The following EPHA10 variants were observed in gnomAD, a reference collection of about 807,000 sequenced individuals.
EPHA10 encodes the protein ephrin type-A receptor 10.
In EPHA10, 120 loss-of-function variants were observed where a neutral mutation model predicts 109.7. The ratio of observed to expected loss-of-function variants is 1.09; its 90% CI spans 0.94 to 1.27. EPHA10 has a LOEUF of 1.27. Among genes scored for constraint, EPHA10 ranks in the 50% most tolerant of loss-of-function variants. The pLI, the probability that EPHA10 is intolerant of heterozygous loss-of-function variation, is 0.00. For missense variants in EPHA10, 1,396 were observed against 1,411.1 expected (o/e 0.99, Z 0.17); for synonymous variants, 640 against 618.9 (o/e 1.03, Z -0.51).
chr1:37,721,181 A>G (rs1645788347), intron 11 of EPHA10, among the ~76,000 whole-genome samples: 1 of 150,848 alleles, frequency 6.6e-6, no homozygotes, highest in Non-Finnish European at 1.5e-5. Flanking sequence ...GCACTTTGGG[A>G]GGCCGAGGCA....
In EPHA10 at chr1:37,752,963, G is replaced by A. The variant is rs1646352417; in HGVS notation, c.1270C>T (p.Arg424Cys). Residue 424 changes from arginine to cysteine, a missense_variant, in exon 5 of 17, where the codon CGC becomes TGC. Coordinates refer to ENST00000373048, the MANE Select transcript of EPHA10 (RefSeq NM_001099439.2). ...HLRPGARYTV[R>C]VAALNGVSGP... Reference sequence around the variant, plus strand: ...GAGACGCCGTTGAGCGCGGCCACGCGCACGGTGTAGCGCGCGCCGGGCCGC... The same window carrying A: ...GAGACGCCGTTGAGCGCGGCCACGCACACGGTGTAGCGCGCGCCGGGCCGC... 3 of 1,287,522 alleles carry A rather than the reference G, an allele frequency of 2.3e-6. No homozygotes were observed. Among genetic ancestry groups the A allele is most frequent in the South Asian group, 4.5e-5 (2 of 44,062 alleles). 79.8% of individuals were successfully genotyped at this position (1,287,522 alleles called of 1,614,324 possible).
At chr1:37,743,268 T>C (rs1228966228) in intron 5 of EPHA10, among the ~76,000 whole-genome samples, 1 of 152,016 alleles carries the variant, frequency 6.6e-6, no homozygotes, top group Non-Finnish European at 1.5e-5. Flanking sequence ...TTTAATATGA[T>C]AGAGAGTAAG....
Position 37,721,857 on chromosome 1 carries a change from C to T in EPHA10, c.1961-12G>A. 1.3e-6 allele frequency: 2 copies of T among 1,555,772 alleles called. No homozygotes were observed. The highest frequency in any genetic ancestry group is 8.7e-7 in the Non-Finnish European group (1 of 1,146,896). ...CTCCCCAAACCGCCCTGTGGGGAAA[C>T]AGCACCTCAGATACCGCCAGAGGCC... On this transcript the variant is annotated splice_polypyrimidine_tract_variant and intron_variant, in intron 10 of 16. Coordinates refer to ENST00000373048, the MANE Select transcript of EPHA10 (RefSeq NM_001099439.2).
chr1:37,735,160 TAAC>T lies in EPHA10; in HGVS notation c.1491+94_1491+96del, dbSNP rs950723951. 3 of 1,472,966 alleles carry T rather than the reference TAAC, an allele frequency of 2.0e-6. No individual in the cohort carries two copies. The African/African-American group carries it at 4.2e-5, about 21-fold the overall frequency. The allele number at this position is 1,472,966 out of a possible 1,614,324, so 91.2% of individuals were successfully genotyped here. On this transcript the variant is annotated intron_variant, in intron 6 of 16. Transcript: ENST00000373048. ...CGGGTGGTTATGTTTACAAAGGGAG[TAAC>T]GAGGGCTTTTGCTGGGAGGATGGCC...
intron 3 of EPHA10, chr1:37,760,658 A>ACC (rs1419030042): frequency 9.2e-6 from 2 of 218,350 alleles, no homozygotes; most frequent in African/African-American, 4.5e-5. Context: ...CACTGAGGAG[A>ACC]CCTCATGATG....
At chr1:37,749,571 G>A (rs1646292250) in intron 5 of EPHA10, among the ~76,000 whole-genome samples, 1 of 151,924 alleles carries the variant, frequency 6.6e-6, no homozygotes, top group African/African-American at 2.4e-5. Flanking sequence ...TACTCAGGAG[G>A]CTGAGGCAGG....
chr1:37,729,072 C>T (rs1645939708), intron 7 of EPHA10, among the ~76,000 whole-genome samples: 1 of 152,138 alleles, frequency 6.6e-6, no homozygotes, highest in Non-Finnish European at 1.5e-5. Context: ...GTCTTGGGTG[C>T]CCTCTCCCTG....
chr1:37,719,374 C>A (rs746123800), intron 15 of EPHA10, 40 bp downstream of exon 15: 1 of 1,598,006 alleles, frequency 6.3e-7, no homozygotes, highest in Non-Finnish European at 8.5e-7. Flanking sequence ...AGGCCCTCCA[C>A]GGACAGGTGA....
rs1481373733 is a variant in EPHA10 at position 37,751,160 on chromosome 1, G to A, written c.1357+1716C>T. 8.0e-5 allele frequency among the ~76,000 whole-genome samples: 10 copies of A among 125,006 alleles called. 1 individual carries two copies. Among genetic ancestry groups the A allele is most frequent in the East Asian group, 2.5e-4 (1 of 3,992 alleles). The allele number at this position is 125,006 out of a possible 152,430, so 82.0% of individuals were successfully genotyped here. A position where few individuals can be genotyped will look rare whatever the true frequency, so the allele number is the denominator to read the frequency against. On this transcript the variant is annotated intron_variant, in intron 5 of 16. Coordinates refer to ENST00000373048, the MANE Select transcript of EPHA10 (RefSeq NM_001099439.2). ...GCGGAGCTTGTAGTGAGCCAAGATC[G>A]CCACTGCACTCCAGCCTGGGCAACA...
At chr1:37,760,228 G>A (rs867445513) in intron 3 of EPHA10, 23 of 990,928 alleles carry the variant, frequency 2.3e-5, no homozygotes, top group Non-Finnish European at 2.7e-5. Flanking sequence ...CTAGGACTAT[G>A]TCTGACTCAT....
At chr1:37,746,381 GCCA>G (rs1646243145) in intron 5 of EPHA10, among the ~76,000 whole-genome samples, 1 of 152,120 alleles carries the variant, frequency 6.6e-6, no homozygotes, top group African/African-American at 2.4e-5. Context: ...ACAGGCGTGA[GCCA>G]CCACACCGGG....
At chr1:37,721,626 G>C (rs778004922) in intron 11 of EPHA10, 34 bp downstream of exon 11, 12 of 1,574,418 alleles carry the variant, frequency 7.6e-6, no homozygotes, top group Non-Finnish European at 4.3e-6. Context: ...CATACCCGTG[G>C]GCTGGGCAGC....
chr1:37,720,201 G>C (rs756210157), intron 13 of EPHA10, 143 bp from the exon 14 acceptor site: 5 of 1,404,648 alleles, frequency 3.6e-6, no homozygotes, highest in Non-Finnish European at 4.8e-6. Flanking sequence ...AGACAGAAAA[G>C]CTGACCTCAA....
At chr1:37,739,688 C>T (rs1031970296) in intron 5 of EPHA10, among the ~76,000 whole-genome samples, 4 of 76,642 alleles carry the variant, frequency 5.2e-5, no homozygotes, top group Non-Finnish European at 9.7e-5. Flanking sequence ...GACCCTGTCT[C>T]AAAAAAAAAA....
intron 5 of EPHA10, among the ~76,000 whole-genome samples, chr1:37,745,823 C>T (rs1231394378): frequency 6.6e-6 from 1 of 152,136 alleles, no homozygotes; most frequent in East Asian, 1.9e-4. Context: ...GCACTCCAGC[C>T]TGGGTGACAG....
downstream of EPHA10, chr1:37,715,895 C>A (rs1475349931): frequency 1.8e-6 from 1 of 562,388 alleles, no homozygotes; most frequent in African/African-American, 1.9e-5. Context: ...CTGGACACCC[C>A]TGTCCTCGAG....
rs575487178 is a variant in EPHA10 at position 37,753,167 on chromosome 1, G to A, written c.1066C>T (p.Arg356Ter). Residue 356 changes from arginine to a stop codon, truncating the protein, a stop_gained, in exon 5 of 17, where the codon CGA (arginine) becomes TGA (stop). Coordinates refer to ENST00000373048, the MANE Select transcript of EPHA10 (RefSeq NM_001099439.2). LOFTEE classifies it high-confidence loss of function. ...YSLSRSPLVL[R>*]LRWLPPADSG... ...TCGGCCGGCGGCAGCCAGCGCAGTC[G>A]CAGCACCAGCGGCGAGCGGCTCAGG... 2.1e-4 allele frequency: 299 copies of A among 1,405,418 alleles called. 1 individual carries two copies. The African/African-American group carries it at 3.8e-3, about 18-fold the overall frequency. 87.1% of individuals were successfully genotyped at this position (1,405,418 alleles called of 1,614,324 possible).
At position 37,716,455 on chromosome 1, in the gene EPHA10, G is replaced by C. The variant is rs779683866; in HGVS notation, c.*1917C>G. 8.1e-5 allele frequency: 19 copies of C among 234,076 alleles called. No homozygotes were observed. The highest frequency in any genetic ancestry group is 4.2e-4 in the African/African-American group (19 of 45,298). The allele number at this position is 234,076 out of a possible 1,614,324, so 14.5% of individuals were successfully genotyped here. A position where few individuals can be genotyped will look rare whatever the true frequency, so the allele number is the denominator to read the frequency against. On this transcript the variant is annotated 3_prime_UTR_variant, in exon 17 of 17. Transcript: ENST00000373048. ...CGGATCCTGGAGGGCACCTGGCCGG[G>C]GGCTCCCCCAACCCTGACTAAGGTG...
At chr1:37,739,056 C>T (rs754773739) in intron 5 of EPHA10, among the ~76,000 whole-genome samples, 15 of 151,850 alleles carry the variant, frequency 9.9e-5, no homozygotes, top group Admixed American at 6.6e-4. Flanking sequence ...ATGTAAACGA[C>T]GAGTTGATGG....
Sources: allele counts gnomAD v4.1 joint callset (sites outside exome capture counted in the v4.1 genomes callset), GRCh38; gene constraint gnomAD v4.1.1; transcripts MANE v1.5; gene names NCBI Gene and HGNC (gene_info 2026-07-23, HGNC 2026-07-21).